CREBBP: variants seen among roughly 807,000 people sequenced by gnomAD.
CREBBP encodes the protein CREB binding lysine acetyltransferase.
A neutral mutation model predicts 265.0 loss-of-function variants in CREBBP; 19 were observed. That is an observed-to-expected ratio of 0.07 (90% CI 0.05 to 0.11). The LOEUF is 0.11. Among genes scored for constraint, CREBBP ranks in the 10% least tolerant of loss-of-function variants. CREBBP has a pLI of 1.00. For missense variants in CREBBP, 2,525 were observed against 3,219.0 expected, an observed-to-expected ratio of 0.78 and a Z score of 5.22; for synonymous variants, 1,457 against 1,223.7, an observed-to-expected ratio of 1.19 and a Z score of -3.98.
Position 3,760,410 on chromosome 16 carries a change from T to G in CREBBP, c.3251-1438A>C, listed in dbSNP as rs916685850. ...GCCCAGGTTTTTTTTTTTTTTTTTT[T>G]TTTTTTTTTTGAGACAGAGTCTTGC... On this transcript the variant is annotated intron_variant, in intron 16 of 30. Coordinates refer to ENST00000262367, the MANE Select transcript of CREBBP (RefSeq NM_004380.3). Among the ~76,000 whole-genome samples the G allele has an allele frequency of 4.4e-5, 6 of 136,328 alleles. No homozygotes were observed. In the South Asian group the frequency reaches 1.3e-3, roughly 29 times the overall value. 89.4% of individuals were successfully genotyped at this position (136,328 alleles called of 152,430 possible). A position where few individuals can be genotyped will look rare whatever the true frequency, so the allele number is the denominator to read the frequency against.
intron 2 of CREBBP, among the ~76,000 whole-genome samples, chr16:3,812,470 C>G (rs545334979): frequency 1.3e-5 from 2 of 151,934 alleles, no homozygotes; most frequent in Non-Finnish European, 2.9e-5. Context: ...TGAGCCACTG[C>G]GCCCGGCCTA....
At chr16:3,837,511 G>A (rs1478801257) in intron 2 of CREBBP, among the ~76,000 whole-genome samples, 2 of 151,974 alleles carry the variant, frequency 1.3e-5, no homozygotes, top group African/African-American at 4.8e-5. Context: ...AGCTACTCGG[G>A]AGGCTGAGGC....
Position 3,729,314 on chromosome 16 carries a change from G to C in CREBBP, c.5733C>G (p.Pro1911=), listed in dbSNP as rs1427474240. 1.9e-6 allele frequency: 3 copies of C among 1,559,220 alleles called. No homozygotes were observed. The highest frequency in any genetic ancestry group is 2.6e-6 in the Non-Finnish European group (3 of 1,157,750). Residue 1911 remains proline, a synonymous_variant, in exon 31 of 31, where the codon CCC becomes CCG. Coordinates refer to ENST00000262367, the MANE Select transcript of CREBBP (RefSeq NM_004380.3). ...CAGCTGGTGACATGCTCACGGGTGA[G>C]GGTTGGGGCTGGGCAGGGGGCTGCG... ...QTPQPPAQPQ[P]SPVSMSPAGF...
In CREBBP at chr16:3,850,383, C is replaced by G. The variant is rs146887252; in HGVS notation, c.712G>C (p.Val238Leu). 5.5e-4 allele frequency: 894 copies of G among 1,614,128 alleles called. No individual in the cohort carries two copies. The highest frequency in any genetic ancestry group is 6.9e-4 in the Non-Finnish European group (820 of 1,180,052). Reference protein sequence around the residue: ...TPAMQGASSSVLAETLTQVSP... With the variant: ...TPAMQGASSSLLAETLTQVSP... ...ACCTGCGTTAGGGTCTCAGCCAGCA[C>G]GCTGCTCGAGGCGCCCTGCATGGCT... Residue 238 changes from valine to leucine, a missense_variant, in exon 2 of 31, where the codon GTG (valine) becomes CTG (leucine). Around this residue, in one of 19 missense-constraint regions of CREBBP, gnomAD observed 356 missense variants for 340.4 expected, o/e 1.05. Transcript: ENST00000262367.
intron 1 of CREBBP, among the ~76,000 whole-genome samples, chr16:3,856,492 A>T (rs531445475): frequency 4.0e-4 from 61 of 151,424 alleles, no homozygotes; most frequent in Middle Eastern, 3.4e-3. Flanking sequence ...AATTAAAAAA[A>T]TTTTTTTTTG....
chr16:3,843,903 C>T (rs2054613475), intron 2 of CREBBP, among the ~76,000 whole-genome samples: 2 of 151,888 alleles, frequency 1.3e-5, no homozygotes, highest in South Asian at 2.1e-4. Context: ...AATCCCAGCA[C>T]TTTGGGAGGC....
At chr16:3,850,040 C>T (rs184733340) in intron 2 of CREBBP, among the ~76,000 whole-genome samples, 10 of 152,272 alleles carry the variant, frequency 6.6e-5, no homozygotes, top group Non-Finnish European at 1.3e-4. Flanking sequence ...ACCAGGTTCA[C>T]GGACACATTA....
At chr16:3,877,942 G>A (rs774939031) in intron 1 of CREBBP, among the ~76,000 whole-genome samples, 13 of 152,216 alleles carry the variant, frequency 8.5e-5, no homozygotes, top group East Asian at 1.9e-4. Context: ...GTGGTTAAGT[G>A]TGGAAAATCC....
rs533646767 is a variant in CREBBP, at chr16:3,774,931, C to T, written c.2159-238G>A. Among the ~76,000 whole-genome samples the T allele has an allele frequency of 2.6e-5, 4 of 152,016 alleles. No individual in the cohort carries two copies. In the South Asian group the frequency reaches 6.3e-4, roughly 24 times the overall value. The stretch of plus-strand genomic sequence containing the variant: ...CATGGTGAGGGGTACCAGGGAAGGA[C>T]GAGGACATGAAGGCATAAGGTTGGG... On this transcript the variant is annotated intron_variant, in intron 11 of 30. Transcript: ENST00000262367.
chr16:3,876,432 C>CAAAAAACAAAAAA (rs2055405265), intron 1 of CREBBP, among the ~76,000 whole-genome samples: 1 of 134,190 alleles, frequency 7.5e-6, no homozygotes, highest in Admixed American at 7.2e-5. Flanking sequence ...AAAAACAACC[C>CAAAAAACAAAAAA]AGAAAACAAA....
intron 3 of CREBBP, among the ~76,000 whole-genome samples, chr16:3,799,191 CTA>C (rs1186842554): frequency 1.3e-5 from 2 of 152,140 alleles, no homozygotes; most frequent in Non-Finnish European, 2.9e-5. Context: ...GGAATAACTG[CTA>C]ATGGTACTAG....
chr16:3,735,598 G>A (rs2052034886), intron 28 of CREBBP, among the ~76,000 whole-genome samples: 1 of 152,120 alleles, frequency 6.6e-6, no homozygotes, highest in African/African-American at 2.4e-5. Context: ...CCTGGCCAGG[G>A]ATGGGGTTTT....
At chr16:3,830,120 G>C (rs190877447) in intron 2 of CREBBP, among the ~76,000 whole-genome samples, 8 of 152,294 alleles carry the variant, frequency 5.3e-5, no homozygotes, top group African/African-American at 1.9e-4. Flanking sequence ...GAGTGGGCTG[G>C]GTGTGGTGAC....
chr16:3,874,844 T>C (rs2055367657), intron 1 of CREBBP, among the ~76,000 whole-genome samples: 1 of 152,190 alleles, frequency 6.6e-6, no homozygotes. Context: ...AAGAGCTGGT[T>C]TGAGTAAGGT....
Position 3,728,126 on chromosome 16 carries a change from G to A in CREBBP, c.6921C>T (p.Ser2307=), listed in dbSNP as rs1299421124. Reference sequence around the variant, plus strand: ...GGCTCATGGGGTTCGGCTGGCCTGGGGACCCAATCTGCTGCTTCATCTGCT... The same window carrying A: ...GGCTCATGGGGTTCGGCTGGCCTGGAGACCCAATCTGCTGCTTCATCTGCT... ...QQQQMKQQIG[S]PGQPNPMSPQ... is the part of the protein sequence containing the mutation. The change falls in exon 31 of 31, where the codon TCC becomes TCT. Residue 2307 remains serine (S), a synonymous_variant. Transcript: ENST00000262367. The surrounding 1 kb of genome is among the most constrained non-coding windows in gnomAD (Gnocchi z 8.7). 6.2e-7 allele frequency: 1 copy of A among 1,614,154 alleles called. No homozygotes were observed. Among genetic ancestry groups the A allele is most frequent in the South Asian group, 1.1e-5 (1 of 91,090 alleles).
In CREBBP at chr16:3,736,822, G is replaced by C. The variant is rs1187655946; in HGVS notation, c.4395-7C>G. 1.9e-6 allele frequency: 3 copies of C among 1,613,982 alleles called. No individual in the cohort carries two copies. Among genetic ancestry groups the C allele is most frequent in the Non-Finnish European group, 1.7e-6 (2 of 1,180,042 alleles). On this transcript the variant is annotated splice_polypyrimidine_tract_variant and splice_region_variant and intron_variant, in intron 26 of 30. Coordinates refer to ENST00000262367, the MANE Select transcript of CREBBP (RefSeq NM_004380.3). ...GATGTGCCCTGTCACATACCTGCAG[G>C]ACCCACGCACACACGTCAGATGAAC...
intron 16 of CREBBP, among the ~76,000 whole-genome samples, chr16:3,767,088 CCT>C (rs1415070376): frequency 1.6e-4 from 24 of 152,220 alleles, no homozygotes; most frequent in African/African-American, 5.5e-4. Context: ...TTTCTGATAC[CCT>C]GTTATCTCTT....
At chr16:3,761,652 G>C (rs2052721036) in intron 16 of CREBBP, 2 of 504,660 alleles carry the variant, frequency 4.0e-6, no homozygotes, top group East Asian at 5.6e-5. Flanking sequence ...CTGAGGTCCG[G>C]GCAACCAGGT....
Position 3,754,766 on chromosome 16 carries a change from C to T in CREBBP, c.3698+2522G>A, listed in dbSNP as rs1435105687. Among the ~76,000 whole-genome samples, 5 of 152,142 alleles carry T rather than the reference C, an allele frequency of 3.3e-5. 1 individual carries two copies. The South Asian group carries it at 6.2e-4, about 19-fold the overall frequency. Reference sequence around the variant, plus strand: ...GAAAACAAGTGAAAATGTAATCATACGCTCACTTATATATTAGGGTTTCAC... The same window carrying T: ...GAAAACAAGTGAAAATGTAATCATATGCTCACTTATATATTAGGGTTTCAC... On this transcript the variant is annotated intron_variant, in intron 19 of 30. Coordinates refer to ENST00000262367, the MANE Select transcript of CREBBP (RefSeq NM_004380.3).
Sources: gnomAD v4.1 joint callset for allele counts (sites outside exome capture counted in the v4.1 genomes callset) on GRCh38, gnomAD v4.1.1 for gene constraint, gnomAD v4.1.1 regional missense constraint, Gnocchi (gnomAD v3.1) non-coding constraint, MANE v1.5 for transcripts, NCBI Gene and HGNC (gene_info 2026-07-23, HGNC 2026-07-21) for gene names.